DOCK11: variants seen among roughly 807,000 people sequenced by gnomAD.
DOCK11 encodes the protein dedicator of cytokinesis 11.
A neutral mutation model predicts 169.1 loss-of-function variants in DOCK11; 70 were observed. The observed-to-expected ratio is 0.41, with a 90% CI of 0.34 to 0.51. DOCK11 has a LOEUF of 0.51. Ranked by LOEUF, DOCK11 falls within the 20% of genes least tolerant of loss-of-function variation. The probability of loss-of-function intolerance (pLI) is 0.10; values close to 1 mark genes in which losing one functional copy is unlikely to be tolerated. For missense variants in DOCK11, 1,166 were observed against 1,538.8 expected (o/e 0.76, Z 4.05); for synonymous variants, 529 against 541.3 (o/e 0.98, Z 0.32).
chrX:118,561,002 G>A (rs1228200241), intron 6 of DOCK11, among the ~76,000 whole-genome samples: 3 of 111,672 alleles, frequency 2.7e-5, no homozygotes, highest in Non-Finnish European at 5.6e-5. Flanking sequence ...GTATATATAT[G>A]CTTTTTATGT....
At chrX:118,634,822 G>C (rs1293411240) in intron 35 of DOCK11, among the ~76,000 whole-genome samples, 2 of 111,791 alleles carry the variant, frequency 1.8e-5, no homozygotes, top group Non-Finnish European at 3.8e-5. Context: ...TCCGCCTCCC[G>C]GGTTCAAGCA....
intron 1 of DOCK11, among the ~76,000 whole-genome samples, chrX:118,534,558 C>T (rs1455158232): frequency 1.8e-5 from 2 of 112,059 alleles, no homozygotes; most frequent in East Asian, 5.6e-4. Context: ...CTTAATGTTT[C>T]TATGTTAGAT....
chrX:118,540,736 T>A lies in DOCK11; in HGVS notation c.103-1989T>A, dbSNP rs990092850. Among the ~76,000 whole-genome samples, 3 of 111,832 alleles carry A rather than the reference T, an allele frequency of 2.7e-5. No individual in the cohort carries two copies. In the East Asian group the frequency reaches 8.3e-4, roughly 31 times the overall value. On this transcript the variant is annotated intron_variant, in intron 1 of 52. Transcript: ENST00000276202. ...TAGCTGTGACCTGTTGTGAACCATG[T>A]ATAAAAACTATTCTCAACTTTTCTA...
chrX:118,634,408 C>T (rs1481358131), intron 35 of DOCK11, among the ~76,000 whole-genome samples: 2 of 112,662 alleles, frequency 1.8e-5, no homozygotes, highest in African/African-American at 6.4e-5. Flanking sequence ...GGAGCTAGTT[C>T]GCTGTGAGGG....
chrX:118,549,917 C>T lies in DOCK11; in HGVS notation c.558+3801C>T, dbSNP rs144220330. ...AGGAAATACTTTGAAATGCAAAGGC[C>T]ATATTGAGGTTTGGGAGCTGTTTCT... On this transcript the variant is annotated intron_variant, in intron 6 of 52. Transcript: ENST00000276202. Among the ~76,000 whole-genome samples, 62 of 111,518 alleles carry T rather than the reference C, an allele frequency of 5.6e-4. 1 individual carries two copies. In the East Asian group the frequency reaches 0.012, roughly 22 times the overall value.
At chrX:118,563,797 C>T in intron 7 of DOCK11, among the ~76,000 whole-genome samples, 1 of 108,467 alleles carries the variant, frequency 9.2e-6, no homozygotes, top group Non-Finnish European at 1.9e-5. Flanking sequence ...GCAACCTCCA[C>T]CTTCTGGGTT....
intron 7 of DOCK11, among the ~76,000 whole-genome samples, chrX:118,565,183 C>T (rs1037609548): frequency 4.5e-5 from 5 of 111,001 alleles, no homozygotes; most frequent in Admixed American, 1.9e-4. Context: ...TTAAGCAATC[C>T]GCCCACCTCT....
At position 118,623,587 on chromosome X, in the gene DOCK11, G is replaced by A. The variant is rs143536500; in HGVS notation, c.3472-952G>A. On this transcript the variant is annotated intron_variant, in intron 31 of 52. Transcript: ENST00000276202. ...TCTGGTGGTAGAGACTATTACTGAC[G>A]GGGTACTATGTTGGAAGAAAGTCTG... 2.7e-5 allele frequency among the ~76,000 whole-genome samples: 3 copies of A among 112,627 alleles called. No homozygotes were observed. In the East Asian group the frequency reaches 8.3e-4, roughly 31 times the overall value.
intron 10 of DOCK11, among the ~76,000 whole-genome samples, chrX:118,568,385 TATATATATATATATA>T (rs2013151956): frequency 2.4e-4 from 2 of 8,456 alleles, no homozygotes; most frequent in Non-Finnish European, 4.4e-4. Context: ...TATATATATA[TATATATATATATATA>T]TATATATATA....
chrX:118,567,577 C>T (rs553773741), intron 9 of DOCK11, among the ~76,000 whole-genome samples: 1 of 109,779 alleles, frequency 9.1e-6, no homozygotes, highest in African/African-American at 3.3e-5. Flanking sequence ...GGATTACAGG[C>T]GCCCACCACC....
chrX:118,608,196 T>G, intron 25 of DOCK11, 35 bp from the exon 26 acceptor site: 1 of 1,192,857 alleles, frequency 8.4e-7, no homozygotes, highest in African/African-American at 1.8e-5. Context: ...CAATTTTGTC[T>G]TACAGTTCAT....
rs191124256 is a variant in DOCK11 at position 118,556,506 on chromosome X, T to C, written c.559-4877T>C. Among the ~76,000 whole-genome samples, 307 of 106,978 alleles carry C rather than the reference T, an allele frequency of 2.9e-3. 2 individuals are homozygous for C. Among genetic ancestry groups the C allele is most frequent in the African/African-American group, 1.0e-2 (293 of 29,412 alleles). 92.9% of individuals were successfully genotyped at this position (106,978 alleles called of 115,157 possible). A position where few individuals can be genotyped will look rare whatever the true frequency, so the allele number is the denominator to read the frequency against. Reference sequence around the variant, plus strand: ...GCTCACACCTGTAATCCCAACACTTTGGGAGGGTGAGGTGGGTAGATCACT... The same window carrying C: ...GCTCACACCTGTAATCCCAACACTTCGGGAGGGTGAGGTGGGTAGATCACT... On this transcript the variant is annotated intron_variant, in intron 6 of 52. Coordinates refer to ENST00000276202, the MANE Select transcript of DOCK11 (RefSeq NM_144658.4).
intron 40 of DOCK11, among the ~76,000 whole-genome samples, chrX:118,647,815 T>G (rs1270198807): frequency 1.9e-5 from 1 of 52,242 alleles, no homozygotes; most frequent in East Asian, 6.6e-4. Flanking sequence ...TAATATATAT[T>G]ATATTATTAT....
intron 47 of DOCK11, 59 bp downstream of exon 47, chrX:118,676,108 G>T: frequency 1.3e-6 from 1 of 768,333 alleles, no homozygotes. Flanking sequence ...TGAATTACTA[G>T]TTTACTATAG....
At chrX:118,508,494 T>G (rs1438294558) in intron 1 of DOCK11, among the ~76,000 whole-genome samples, 1 of 111,384 alleles carries the variant, frequency 9.0e-6, no homozygotes, top group Non-Finnish European at 1.9e-5. Flanking sequence ...TTCAGTACAT[T>G]AAATCGTTTC....
chrX:118,591,690 G>T lies in DOCK11; in HGVS notation c.2139+1388G>T, dbSNP rs1045809922. Among the ~76,000 whole-genome samples the T allele has an allele frequency of 3.0e-5, 3 of 100,269 alleles. No individual in the cohort carries two copies. The South Asian group carries it at 1.6e-3, about 52-fold the overall frequency. 87.1% of individuals were successfully genotyped at this position (100,269 alleles called of 115,157 possible). On this transcript the variant is annotated intron_variant, in intron 19 of 52. Coordinates refer to ENST00000276202, the MANE Select transcript of DOCK11 (RefSeq NM_144658.4). Reference sequence around the variant, plus strand: ...ATACATGTGCACAACATGCAGGTTTGTTACATATGTATACATGTGCCATGT... The same window carrying T: ...ATACATGTGCACAACATGCAGGTTTTTTACATATGTATACATGTGCCATGT...
At chrX:118,615,790 A>G in intron 30 of DOCK11, 79 bp downstream of exon 30, 1 of 736,195 alleles carries the variant, frequency 1.4e-6, no homozygotes, top group South Asian at 2.5e-5. Context: ...AATGTTTTCT[A>G]GTTGAACCAG....
intron 27 of DOCK11, among the ~76,000 whole-genome samples, chrX:118,609,603 A>G (rs1273971929): frequency 8.9e-6 from 1 of 112,069 alleles, no homozygotes; most frequent in African/African-American, 3.2e-5. Context: ...ACTTTTCCAC[A>G]TAGATTCTTT....
At position 118,609,267 on chromosome X, in the gene DOCK11, T is replaced by G. The variant is rs372920333; in HGVS notation, c.2878-11T>G. 2 of 1,179,163 alleles carry G rather than the reference T, an allele frequency of 1.7e-6. No individual in the cohort carries two copies. The highest frequency in any genetic ancestry group is 2.3e-6 in the Non-Finnish European group (2 of 873,511). On this transcript the variant is annotated splice_polypyrimidine_tract_variant and intron_variant, in intron 26 of 52. Coordinates refer to ENST00000276202, the MANE Select transcript of DOCK11 (RefSeq NM_144658.4). ...GGTAACCGTTAAAGATTCTCTTTCT[T>G]TTTTTTTCAGTACTCATGGTTTTTC...
Sources: gnomAD v4.1 joint callset for allele counts (sites outside exome capture counted in the v4.1 genomes callset) on GRCh38, gnomAD v4.1.1 for gene constraint, MANE v1.5 for transcripts, NCBI Gene and HGNC (gene_info 2026-07-23, HGNC 2026-07-21) for gene names.